Variants in AKT3 observed in about 807,000 individuals in gnomAD.
AKT3 encodes the protein RAC-gamma serine/threonine-protein kinase.
A neutral mutation model predicts 65.3 loss-of-function variants in AKT3; 15 were observed. The observed-to-expected ratio is 0.23, with a 90% CI of 0.15 to 0.35. The LOEUF (loss-of-function observed/expected upper bound fraction) is 0.35, where lower values mean the gene tolerates loss of function less well. Ranked by LOEUF, AKT3 falls within the 10% of genes least tolerant of loss-of-function variation. The pLI is 1.00. For synonymous variants in AKT3, 206 were observed against 183.8 expected (o/e 1.12, Z -0.98); for missense variants, 243 against 576.5 (o/e 0.42, Z 5.92).
intron 8 of AKT3, among the ~76,000 whole-genome samples, chr1:243,583,027 T>C (rs528996366): frequency 1.3e-5 from 2 of 150,858 alleles, no homozygotes; most frequent in Admixed American, 1.3e-4. Flanking sequence ...AAGAAGAGTA[T>C]TACATAATGA....
chr1:243,846,421 TTA>T (rs1288347588), intron 1 of AKT3, among the ~76,000 whole-genome samples: 1 of 152,186 alleles, frequency 6.6e-6, no homozygotes, highest in African/African-American at 2.4e-5. Flanking sequence ...GTAAATCTTT[TTA>T]CTTTCCTCTC....
chr1:243,845,597 A>AAAAAAG (rs1553462748), intron 1 of AKT3, among the ~76,000 whole-genome samples: 1 of 147,120 alleles, frequency 6.8e-6, no homozygotes, highest in Non-Finnish European at 1.5e-5. Flanking sequence ...TCAAAAAAAA[A>AAAAAAG]AAAAAAGAAA....
chr1:243,540,424 G>T (rs1416624834), intron 12 of AKT3, among the ~76,000 whole-genome samples: 1 of 152,006 alleles, frequency 6.6e-6, no homozygotes, highest in East Asian at 1.9e-4. Context: ...AGTAACCTAG[G>T]ACTAGAACTT....
intron 6 of AKT3, among the ~76,000 whole-genome samples, chr1:243,616,631 C>G (rs926208161): frequency 6.6e-6 from 1 of 152,084 alleles, no homozygotes; most frequent in African/African-American, 2.4e-5. Context: ...TTAACACTGT[C>G]AGAAAATCAA....
chr1:243,585,387 A>T (rs1403892826), intron 8 of AKT3, among the ~76,000 whole-genome samples: 2 of 152,248 alleles, frequency 1.3e-5, no homozygotes, highest in Middle Eastern at 3.4e-3. Context: ...TGGAAAAAAA[A>T]AACTACAAAA....
At chr1:243,786,362 A>G (rs1691260897) in intron 2 of AKT3, among the ~76,000 whole-genome samples, 1 of 152,194 alleles carries the variant, frequency 6.6e-6, no homozygotes, top group African/African-American at 2.4e-5. Context: ...AAATTTCTCA[A>G]CCTACAAGTT....
rs149620125 is a variant in AKT3 at position 243,560,613 on chromosome 1, A to G, written c.948+3107T>C. ...GTGTATCCACCAAGGATGGGTATAC[A>G]AACTGTTTTTAAAGACCAGACTTTT... On this transcript the variant is annotated intron_variant, in intron 10 of 13. Transcript: ENST00000673466. Among the ~76,000 whole-genome samples the G allele has an allele frequency of 4.8e-3, 729 of 152,268 alleles. 6 individuals carry two copies. Among genetic ancestry groups the G allele is most frequent in the African/African-American group, 0.017 (706 of 41,576 alleles).
chr1:243,792,097 C>G (rs1470100539), intron 2 of AKT3, among the ~76,000 whole-genome samples: 4 of 152,132 alleles, frequency 2.6e-5, no homozygotes, highest in Non-Finnish European at 5.9e-5. Context: ...GTTCTGCCAG[C>G]AGTTTTTTAA....
At chr1:243,552,052 G>A (rs1238001116) in intron 11 of AKT3, among the ~76,000 whole-genome samples, 4 of 152,074 alleles carry the variant, frequency 2.6e-5, no homozygotes, top group African/African-American at 4.8e-5. Context: ...CACTTTGGGA[G>A]GCCGAAGCAG....
intron 8 of AKT3, among the ~76,000 whole-genome samples, chr1:243,609,334 CTG>C (rs72249798): frequency 0.49 from 71,949 of 147,946 alleles, 19,840 homozygotes; most frequent in Non-Finnish European, 0.63. Context: ...TTTTCATTTT[CTG>C]TGTGTGTGTG....
intron 8 of AKT3, among the ~76,000 whole-genome samples, chr1:243,588,961 G>A (rs1676004360): frequency 6.6e-6 from 1 of 152,054 alleles, no homozygotes; most frequent in South Asian, 2.1e-4. Context: ...CCTATGGAAT[G>A]GGAGAAAATA....
At chr1:243,686,306 G>A (rs893217306) in intron 3 of AKT3, among the ~76,000 whole-genome samples, 1 of 151,860 alleles carries the variant, frequency 6.6e-6, no homozygotes, top group African/African-American at 2.4e-5. Flanking sequence ...CCATAAGCAG[G>A]GTTTGGGAAT....
chr1:243,681,992 A>G (rs1344861049), intron 3 of AKT3, among the ~76,000 whole-genome samples: 5 of 152,126 alleles, frequency 3.3e-5, no homozygotes, highest in Non-Finnish European at 2.9e-5. Context: ...AAATGAGATT[A>G]AAACACCAAA....
At chr1:243,534,095 C>CA (rs1453525110) in intron 12 of AKT3, among the ~76,000 whole-genome samples, 2 of 151,970 alleles carry the variant, frequency 1.3e-5, no homozygotes, top group South Asian at 2.1e-4. Flanking sequence ...CAGAGACAGT[C>CA]AGAGTAGATA....
intron 2 of AKT3, among the ~76,000 whole-genome samples, chr1:243,754,879 T>G (rs372410409): frequency 2.6e-5 from 4 of 152,222 alleles, no homozygotes; most frequent in African/African-American, 4.8e-5. Context: ...AATCATCTTA[T>G]AGCGCACAGG....
intron 5 of AKT3, among the ~76,000 whole-genome samples, chr1:243,643,300 T>A (rs1167654465): frequency 6.6e-6 from 1 of 152,228 alleles, no homozygotes; most frequent in African/African-American, 2.4e-5. Context: ...CTGCTTATAC[T>A]TTAAACGTAA....
rs189607995 is a variant in AKT3 at position 243,592,210 on chromosome 1, C to A, written c.697-19162G>T. Among the ~76,000 whole-genome samples the A allele has an allele frequency of 1.5e-3, 228 of 152,120 alleles. 3 individuals are homozygous for A. The highest frequency in any genetic ancestry group is 0.01 in the Middle Eastern group (3 of 294). ...ATTAGCTGGGCTTGGTGGCAGGAGC[C>A]TGTAGTCCCAGCTACTCTGGAGGCT... is the stretch of plus-strand genomic sequence containing the variant. On this transcript the variant is annotated intron_variant, in intron 8 of 13. Transcript: ENST00000673466.
At chr1:243,722,808 T>C (rs1258857764) in intron 2 of AKT3, among the ~76,000 whole-genome samples, 1 of 152,144 alleles carries the variant, frequency 6.6e-6, no homozygotes, top group Non-Finnish European at 1.5e-5. Flanking sequence ...TAAAAACAAC[T>C]ATCACCGTAA....
chr1:243,800,963 A>G (rs1285573358), intron 2 of AKT3, among the ~76,000 whole-genome samples: 1 of 152,206 alleles, frequency 6.6e-6, no homozygotes, highest in Non-Finnish European at 1.5e-5. Context: ...AGTAGGGGTG[A>G]TGGCTGAATA....
Sources: allele counts gnomAD v4.1 joint callset (sites outside exome capture counted in the v4.1 genomes callset), GRCh38; gene constraint gnomAD v4.1.1; transcripts MANE v1.5; gene names NCBI Gene and HGNC (gene_info 2026-07-23, HGNC 2026-07-21).